The following EXT1 variants were observed in gnomAD, a reference collection of about 807,000 sequenced individuals.
EXT1 encodes exostosin glycosyltransferase 1, also known as exostosin-1.
EXT1 carries 20 observed loss-of-function variants against 82.5 expected under a neutral mutation model. The observed-to-expected ratio is 0.24, with a 90% CI of 0.17 to 0.35. The LOEUF (loss-of-function observed/expected upper bound fraction) is 0.35, where lower values mean the gene tolerates loss of function less well. Among genes scored for constraint, EXT1 ranks in the 10% least tolerant of loss-of-function variants. The pLI is 1.00. For missense variants in EXT1, 757 were observed against 936.5 expected, an observed-to-expected ratio of 0.81 and a Z score of 2.50; for synonymous variants, 348 against 350.8, an observed-to-expected ratio of 0.99 and a Z score of 0.09.
At chr8:117,972,702 G>A (rs767618992) in intron 1 of EXT1, among the ~76,000 whole-genome samples, 7 of 152,344 alleles carry the variant, frequency 4.6e-5, no homozygotes, top group Admixed American at 1.3e-4. Flanking sequence ...ACAGTTCGGC[G>A]TAGCTGGGGA....
chr8:117,878,840 G>A (rs2129913963), intron 1 of EXT1, among the ~76,000 whole-genome samples: 1 of 152,334 alleles, frequency 6.6e-6, no homozygotes, highest in East Asian at 1.9e-4. Context: ...CTGTGTTGCA[G>A]TAACAAATGA....
At chr8:117,998,996 T>G (rs908173047) in intron 1 of EXT1, among the ~76,000 whole-genome samples, 1 of 152,048 alleles carries the variant, frequency 6.6e-6, no homozygotes, top group Admixed American at 6.5e-5. Flanking sequence ...AGGGATGGAG[T>G]AGGCCCGTGA....
At chr8:117,904,978 T>C (rs1813516738) in intron 1 of EXT1, among the ~76,000 whole-genome samples, 1 of 152,204 alleles carries the variant, frequency 6.6e-6, no homozygotes, top group Non-Finnish European at 1.5e-5. Context: ...GCTGGACATT[T>C]AAGATGTGTG....
chr8:117,855,287 T>C (rs1812522514), intron 1 of EXT1, among the ~76,000 whole-genome samples: 1 of 152,226 alleles, frequency 6.6e-6, no homozygotes, highest in Admixed American at 6.5e-5. Context: ...TTTAACAAAT[T>C]GAAGGTCTAT....
chr8:118,065,743 T>G (rs1816973784), intron 1 of EXT1, among the ~76,000 whole-genome samples: 2 of 152,206 alleles, frequency 1.3e-5, no homozygotes, highest in Non-Finnish European at 2.9e-5. Flanking sequence ...CTTTTAAAAG[T>G]TCAAGCATAT....
At chr8:117,923,186 G>A (rs566942223) in intron 1 of EXT1, among the ~76,000 whole-genome samples, 5 of 152,164 alleles carry the variant, frequency 3.3e-5, no homozygotes, top group South Asian at 2.1e-4. Context: ...TTAGCTGGGC[G>A]TGGTGGTGGG....
chr8:117,834,625 C>CATACAT (rs2129784017), intron 3 of EXT1, among the ~76,000 whole-genome samples: 1 of 151,698 alleles, frequency 6.6e-6, no homozygotes, highest in East Asian at 1.9e-4. Flanking sequence ...AACACACACA[C>CATACAT]ATACACACAC....
At position 117,905,550 on chromosome 8, in the gene EXT1, C is replaced by A. The variant is rs113689554; in HGVS notation, c.963-68349G>T. Among the ~76,000 whole-genome samples, 1,024 of 152,150 alleles carry A rather than the reference C, an allele frequency of 6.7e-3. 9 individuals carry two copies. The highest frequency in any genetic ancestry group is 0.021 in the African/African-American group (872 of 41,498). ...AAAACAGGCCAGGCGTGGTGGCTCA[C>A]GCCTGTAATCCCAGCACTTTGGGAG... On this transcript the variant is annotated intron_variant, in intron 1 of 10. Coordinates refer to ENST00000378204, the MANE Select transcript of EXT1 (RefSeq NM_000127.3).
At chr8:118,041,552 T>G (rs77735969) in intron 1 of EXT1, among the ~76,000 whole-genome samples, 1,831 of 152,204 alleles carry the variant, frequency 0.012, 28 homozygotes, top group African/African-American at 0.042. Flanking sequence ...GTCTGGCCCA[T>G]GCATCGTGTT....
intron 1 of EXT1, among the ~76,000 whole-genome samples, chr8:117,926,220 T>C (rs766907251): frequency 9.2e-5 from 14 of 152,218 alleles, no homozygotes; most frequent in Admixed American, 7.9e-4. Context: ...TCTAGATCAT[T>C]TGAGTCATAA....
chr8:118,101,683 C>T, intron 1 of EXT1, among the ~76,000 whole-genome samples: 1 of 152,224 alleles, frequency 6.6e-6, no homozygotes, highest in East Asian at 1.9e-4. Context: ...AAAAACAAAA[C>T]TTCAAAGAGA....
chr8:118,074,258 C>G (rs1435323304), intron 1 of EXT1, among the ~76,000 whole-genome samples: 2 of 152,152 alleles, frequency 1.3e-5, no homozygotes, highest in Non-Finnish European at 1.5e-5. Flanking sequence ...GCTCCAGACA[C>G]GGTAAATCTT....
chr8:117,944,641 G>A (rs1319858156), intron 1 of EXT1, among the ~76,000 whole-genome samples: 2 of 152,206 alleles, frequency 1.3e-5, no homozygotes, highest in East Asian at 1.9e-4. Context: ...TTTTAAGACA[G>A]AACAATTCCA....
intron 1 of EXT1, among the ~76,000 whole-genome samples, chr8:118,052,134 G>C (rs535349923): frequency 6.6e-6 from 1 of 152,172 alleles, no homozygotes; most frequent in Non-Finnish European, 1.5e-5. Flanking sequence ...ATGGGAAGGG[G>C]AGCTGAACGC....
intron 1 of EXT1, among the ~76,000 whole-genome samples, chr8:117,874,639 C>T (rs1289097804): frequency 6.7e-6 from 1 of 150,262 alleles, no homozygotes; most frequent in Non-Finnish European, 1.5e-5. Context: ...GATAGATGAG[C>T]TATCATATAA....
At chr8:118,098,136 T>C (rs941214824) in intron 1 of EXT1, among the ~76,000 whole-genome samples, 4 of 151,808 alleles carry the variant, frequency 2.6e-5, no homozygotes, top group Non-Finnish European at 5.9e-5. Flanking sequence ...TCAAGCAGGG[T>C]GGTGATCATA....
At chr8:117,810,493 G>A (rs751987055) in intron 8 of EXT1, among the ~76,000 whole-genome samples, 7 of 152,138 alleles carry the variant, frequency 4.6e-5, no homozygotes, top group Non-Finnish European at 1.0e-4. Flanking sequence ...TTGAGTGGTT[G>A]GAATTGCTAT....
chr8:117,866,275 A>T (rs565086477), intron 1 of EXT1, among the ~76,000 whole-genome samples: 1 of 152,348 alleles, frequency 6.6e-6, no homozygotes, highest in Admixed American at 6.5e-5. Flanking sequence ...AAATATTTTT[A>T]ATTCAAAATA....
chr8:118,045,003 A>G (rs1816599872), intron 1 of EXT1, among the ~76,000 whole-genome samples: 1 of 152,270 alleles, frequency 6.6e-6, no homozygotes, highest in African/African-American at 2.4e-5. Context: ...AGTCGATACT[A>G]TATAAGCAAA....
Sources: gnomAD v4.1 joint callset for allele counts (sites outside exome capture counted in the v4.1 genomes callset) on GRCh38, gnomAD v4.1.1 for gene constraint, MANE v1.5 for transcripts, NCBI Gene and HGNC (gene_info 2026-07-23, HGNC 2026-07-21) for gene names.